The following KLF17 variants were observed in gnomAD, a reference collection of about 807,000 sequenced individuals.
The protein encoded by KLF17 is Krueppel-like factor 17.
A neutral mutation model predicts 34.2 loss-of-function variants in KLF17; 31 were observed. The ratio of observed to expected loss-of-function variants is 0.91; its 90% CI spans 0.68 to 1.22. The LOEUF is 1.22. Ranked by LOEUF, KLF17 falls within the 50% of genes most tolerant of loss-of-function variation. The pLI, the probability that KLF17 is intolerant of heterozygous loss-of-function variation, is 0.00. For missense variants in KLF17, 478 were observed against 505.2 expected, an observed-to-expected ratio of 0.95 and a Z score of 0.52; for synonymous variants, 179 against 186.7, an observed-to-expected ratio of 0.96 and a Z score of 0.34.
At chr1:44,055,305 C>G in the KLF17 span, among the ~76,000 whole-genome samples, 1 of 152,140 alleles carries the variant, frequency 6.6e-6, no homozygotes, top group Non-Finnish European at 1.5e-5. Flanking sequence ...ATGGGAGCAG[C>G]CTACTCAGTT....
the KLF17 span, among the ~76,000 whole-genome samples, chr1:44,069,034 C>G: frequency 3.2e-3 from 494 of 152,280 alleles, 2 homozygotes; most frequent in African/African-American, 0.012. This position sits in a 1 kb window ranked among gnomAD's most constrained non-coding sequence, Gnocchi z 4.7. Flanking sequence ...GGCCTGACCC[C>G]CTCCCCTCAC....
intron 3 of KLF17, 40 bp downstream of exon 3, chr1:44,130,796 T>C (rs2088100088): frequency 6.2e-7 from 1 of 1,602,956 alleles, no homozygotes; most frequent in Admixed American, 1.7e-5. Context: ...CTTTTTCCTT[T>C]TTTCCTTTTT....
chr1:44,087,743 TATATATATATATATATATATATATATAC>T, the KLF17 span, among the ~76,000 whole-genome samples: 17 of 34,528 alleles, frequency 4.9e-4, no homozygotes, highest in Non-Finnish European at 8.6e-4. Flanking sequence ...TATATATATA[TATATATATATATATATATATATATATAC>T]ACACACACAC....
chr1:44,096,026 C>G, the KLF17 span, among the ~76,000 whole-genome samples: 2 of 152,052 alleles, frequency 1.3e-5, no homozygotes, highest in Non-Finnish European at 2.9e-5. Flanking sequence ...ACTGCAACCT[C>G]TGCCCCCCAG....
the KLF17 span, among the ~76,000 whole-genome samples, chr1:44,044,219 A>C: frequency 6.6e-6 from 1 of 152,178 alleles, no homozygotes; most frequent in Non-Finnish European, 1.5e-5. Context: ...AGGCAGGGAC[A>C]CCACTGGGTA....
chr1:44,108,314 T>C, the KLF17 span, among the ~76,000 whole-genome samples: 1 of 152,242 alleles, frequency 6.6e-6, no homozygotes, highest in Non-Finnish European at 1.5e-5. Context: ...TCTTGACTTC[T>C]TGAGTGAATC....
chr1:44,052,216 G>A, the KLF17 span: 1 of 152,216 alleles, frequency 6.6e-6, no homozygotes. Context: ...TTCTCCCCTA[G>A]GGGAATCTTG....
intron 1 of KLF17, among the ~76,000 whole-genome samples, chr1:44,123,789 A>G (rs2087976420): frequency 6.6e-6 from 1 of 151,522 alleles, no homozygotes. Context: ...GTATTTTCTA[A>G]TTTTCATTGT....
chr1:44,116,490 C>A (rs138133923), upstream of KLF17, among the ~76,000 whole-genome samples: 1 of 152,294 alleles, frequency 6.6e-6, no homozygotes, highest in East Asian at 1.9e-4. Context: ...CATGCCCTCC[C>A]TTAACTGCCA....
the KLF17 span, among the ~76,000 whole-genome samples, chr1:44,099,958 T>C: frequency 6.7e-6 from 1 of 148,804 alleles, no homozygotes; most frequent in Admixed American, 6.7e-5. Context: ...GAGACTGGGC[T>C]GGGCACCGTT....
the KLF17 span, among the ~76,000 whole-genome samples, chr1:44,061,545 A>G: frequency 6.6e-6 from 1 of 152,204 alleles, no homozygotes; most frequent in Non-Finnish European, 1.5e-5. Context: ...TTTCCTTGGC[A>G]ATGACCTGAC....
At chr1:44,077,546 G>C in the KLF17 span, among the ~76,000 whole-genome samples, 1 of 152,062 alleles carries the variant, frequency 6.6e-6, no homozygotes, top group Non-Finnish European at 1.5e-5. Context: ...GGATTCAGCT[G>C]GTAAGACTCA....
chr1:44,080,523 C>A, the KLF17 span, among the ~76,000 whole-genome samples: 1 of 152,130 alleles, frequency 6.6e-6, no homozygotes, highest in Non-Finnish European at 1.5e-5. Context: ...CAGGCGTGAG[C>A]CACAGCACCA....
At chr1:44,081,552 A>G in the KLF17 span, among the ~76,000 whole-genome samples, 579 of 152,018 alleles carry the variant, frequency 3.8e-3, 3 homozygotes, top group African/African-American at 0.013. Context: ...AGCAGCTGGA[A>G]CTACAGGTGC....
intron 1 of KLF17, among the ~76,000 whole-genome samples, chr1:44,119,270 C>T (rs2087918536): frequency 6.6e-6 from 1 of 151,776 alleles, no homozygotes; most frequent in African/African-American, 2.4e-5. Context: ...TCGTTTATTC[C>T]AACAATGTTC....
chr1:44,054,523 C>G, the KLF17 span, among the ~76,000 whole-genome samples: 1 of 148,902 alleles, frequency 6.7e-6, no homozygotes, highest in Admixed American at 6.7e-5. Flanking sequence ...CTCTGTCGCC[C>G]GGGCTGGAGT....
the KLF17 span, among the ~76,000 whole-genome samples, chr1:44,064,860 G>A: frequency 1.3e-5 from 2 of 152,304 alleles, no homozygotes; most frequent in East Asian, 3.9e-4. Flanking sequence ...TTATTTGAAA[G>A]CTGCTAATCG....
the KLF17 span, chr1:44,107,040 A>AG: frequency 6.6e-6 from 1 of 151,768 alleles, no homozygotes; most frequent in Non-Finnish European, 1.5e-5. Flanking sequence ...TCAGGATGGG[A>AG]GAGGGGGTGG....
the KLF17 span, among the ~76,000 whole-genome samples, chr1:44,071,738 C>A: frequency 2.6e-5 from 4 of 152,280 alleles, no homozygotes; most frequent in Admixed American, 2.0e-4. Context: ...CGTGCTGAAG[C>A]CAATCTAGTG....
Sources: gnomAD v4.1 joint callset for allele counts (sites outside exome capture counted in the v4.1 genomes callset) on GRCh38, gnomAD v4.1.1 for gene constraint, Gnocchi (gnomAD v3.1) non-coding constraint, MANE v1.5 for transcripts, NCBI Gene and HGNC (gene_info 2026-07-23, HGNC 2026-07-21) for gene names.